Variants in DGKG observed in about 807,000 individuals in gnomAD.
DGKG encodes the protein diacylglycerol kinase gamma.
In DGKG, 78 loss-of-function variants were observed where a neutral mutation model predicts 105.3. The observed-to-expected ratio is 0.74, with a 90% CI of 0.62 to 0.89. The LOEUF (loss-of-function observed/expected upper bound fraction) is 0.89, where lower values mean the gene tolerates loss of function less well. DGKG is among the 40% of genes least tolerant of loss of function. The probability of loss-of-function intolerance (pLI) is 0.00; values close to 1 mark genes in which losing one functional copy is unlikely to be tolerated. For synonymous variants in DGKG, 346 were observed against 367.1 expected (o/e 0.94, Z 0.66); for missense variants, 958 against 1,020.1 (o/e 0.94, Z 0.83).
At chr3:186,354,000 C>T (rs921658065) in intron 1 of DGKG, among the ~76,000 whole-genome samples, 4 of 151,954 alleles carry the variant, frequency 2.6e-5, no homozygotes, top group African/African-American at 7.3e-5. Flanking sequence ...CTGGACATGC[C>T]GGCATGAGAA....
chr3:186,156,508 C>T (rs1578599020), intron 24 of DGKG, among the ~76,000 whole-genome samples: 1 of 151,946 alleles, frequency 6.6e-6, no homozygotes, highest in African/African-American at 2.4e-5. Context: ...ATTATTGTGG[C>T]TTTATAATTA....
intron 1 of DGKG, among the ~76,000 whole-genome samples, chr3:186,358,047 G>A (rs1382199612): frequency 6.6e-6 from 1 of 152,242 alleles, no homozygotes; most frequent in African/African-American, 2.4e-5. Flanking sequence ...TTCTGGGACT[G>A]ACTAGCCTGA....
intron 15 of DGKG, among the ~76,000 whole-genome samples, chr3:186,261,009 G>C (rs2108573114): frequency 6.6e-6 from 1 of 152,296 alleles, no homozygotes; most frequent in Admixed American, 6.5e-5. Flanking sequence ...AGGGCGCTGA[G>C]AGGCCGTGAC....
chr3:186,200,539 G>A (rs943490876), intron 21 of DGKG, among the ~76,000 whole-genome samples: 10 of 152,214 alleles, frequency 6.6e-5, no homozygotes, highest in Non-Finnish European at 1.3e-4. Flanking sequence ...GTGCTAGGAT[G>A]AGTCTTTTGT....
At chr3:186,342,089 T>C (rs550952146) in intron 1 of DGKG, among the ~76,000 whole-genome samples, 1 of 152,170 alleles carries the variant, frequency 6.6e-6, no homozygotes, top group Admixed American at 6.5e-5. Context: ...GTGGGTGCAG[T>C]GCACCAGCAT....
intron 22 of DGKG, among the ~76,000 whole-genome samples, chr3:186,184,242 G>A (rs1252780150): frequency 2.6e-5 from 4 of 152,084 alleles, no homozygotes; most frequent in South Asian, 2.1e-4. Context: ...GACTTAGGGT[G>A]GTTGGGTAAT....
chr3:186,185,912 C>T (rs1372191601), intron 22 of DGKG, among the ~76,000 whole-genome samples: 1 of 151,702 alleles, frequency 6.6e-6, no homozygotes, highest in Non-Finnish European at 1.5e-5. Context: ...GCCTGGTCAA[C>T]ATGGAGAAAC....
chr3:186,170,951 A>G (rs1402979137), intron 22 of DGKG, among the ~76,000 whole-genome samples: 1 of 152,254 alleles, frequency 6.6e-6, no homozygotes, highest in African/African-American at 2.4e-5. Context: ...TGACATGTCC[A>G]GTCTTTCTTT....
intron 20 of DGKG, among the ~76,000 whole-genome samples, chr3:186,237,569 A>G (rs1435038218): frequency 6.6e-6 from 1 of 152,204 alleles, no homozygotes; most frequent in African/African-American, 2.4e-5. Context: ...CCTTAGCCTC[A>G]GTTCCTTCAT....
At position 186,265,298 on chromosome 3, in the gene DGKG, T is replaced by A. The variant is rs1167652736; in HGVS notation, c.1218A>T (p.Pro406=). ...TSICPITRDR[P]GEKSDGCVSA... ...ACACGCAGCCATCAGACTTCTCACC[T>A]GGCCTGTCCTGTGACAAGAAAGGAA... Residue 406 remains proline, a synonymous_variant, in exon 14 of 25, where the codon CCA becomes CCT. Transcript: ENST00000265022. 6.2e-7 allele frequency: 1 copy of A among 1,614,058 alleles called. No homozygotes were observed. The highest frequency in any genetic ancestry group is 1.3e-5 in the African/African-American group (1 of 74,946).
intron 14 of DGKG, among the ~76,000 whole-genome samples, chr3:186,263,327 G>A (rs1721874393): frequency 6.6e-6 from 1 of 152,056 alleles, no homozygotes; most frequent in Admixed American, 6.6e-5. Flanking sequence ...AGCACTTTGG[G>A]AGGCTGAGGC....
chr3:186,272,279 G>A lies in DGKG; in HGVS notation c.975C>T (p.Tyr325=). Residue 325 remains tyrosine, a synonymous_variant, in exon 11 of 25, where the codon TAC becomes TAT. Transcript: ENST00000265022. ...SRNIPGCVKT[Y]SKAKRSGEVM... The stretch of plus-strand genomic sequence containing the variant: ...CCTCACCACTCCTTTTGGCTTTTGA[G>A]TACGTTTTGACACAACCAGGAATGT... The A allele has an allele frequency of 3.7e-6, 6 of 1,613,848 alleles. No individual in the cohort carries two copies. Among genetic ancestry groups the A allele is most frequent in the Non-Finnish European group, 5.1e-6 (6 of 1,179,754 alleles).
At chr3:186,251,422 C>A (rs567207148) in intron 19 of DGKG, among the ~76,000 whole-genome samples, 1 of 152,198 alleles carries the variant, frequency 6.6e-6, no homozygotes, top group Admixed American at 6.5e-5. Flanking sequence ...TTCCTACCAA[C>A]CTTGTCCCCC....
In DGKG at chr3:186,188,390, G is replaced by T. The variant is rs1436901057; in HGVS notation, c.1918-11C>A. 3 of 1,613,160 alleles carry T rather than the reference G, an allele frequency of 1.9e-6. No homozygotes were observed. In the Admixed American group the frequency reaches 5.0e-5, roughly 27 times the overall value. On this transcript the variant is annotated splice_polypyrimidine_tract_variant and intron_variant, in intron 21 of 24. Transcript: ENST00000265022. Reference sequence around the variant, plus strand: ...CCCAACCCCATCACACTGGAGGACGGAGAGAAAAGGCCATCTGTTAGTGTC... The same window carrying T: ...CCCAACCCCATCACACTGGAGGACGTAGAGAAAAGGCCATCTGTTAGTGTC...
rs1715616034 is a variant in DGKG, at chr3:186,148,815, T to C, written c.*1275A>G. 4 of 985,434 alleles carry C rather than the reference T, an allele frequency of 4.1e-6. No homozygotes were observed. Among genetic ancestry groups the C allele is most frequent in the Non-Finnish European group, 4.8e-6 (4 of 829,844 alleles). 61.0% of individuals were successfully genotyped at this position (985,434 alleles called of 1,614,324 possible). A position where few individuals can be genotyped will look rare whatever the true frequency, so the allele number is the denominator to read the frequency against. ...GAGCTACTTTCATTCCCCTTAACCC[T>C]TGTGATCACCACAGGGAGATGCGTC... is the stretch of plus-strand genomic sequence containing the variant. On this transcript the variant is annotated 3_prime_UTR_variant, in exon 25 of 25. Transcript: ENST00000265022.
At chr3:186,179,414 G>A (rs1435598333) in intron 22 of DGKG, among the ~76,000 whole-genome samples, 1 of 152,200 alleles carries the variant, frequency 6.6e-6, no homozygotes, top group Non-Finnish European at 1.5e-5. Context: ...GGATTGGTCT[G>A]TGTGAGCCAA....
intron 1 of DGKG, among the ~76,000 whole-genome samples, chr3:186,331,074 C>T (rs548610423): frequency 5.3e-5 from 8 of 152,156 alleles, no homozygotes; most frequent in Non-Finnish European, 7.3e-5. Context: ...AAAATACCTT[C>T]GATGCAAATA....
chr3:186,319,625 G>A (rs1724987259), intron 2 of DGKG, among the ~76,000 whole-genome samples: 1 of 152,166 alleles, frequency 6.6e-6, no homozygotes, highest in Non-Finnish European at 1.5e-5. Flanking sequence ...TGCCATGCAG[G>A]GTAAGTGACG....
At chr3:186,337,536 A>G (rs996211037) in intron 1 of DGKG, among the ~76,000 whole-genome samples, 2 of 152,188 alleles carry the variant, frequency 1.3e-5, no homozygotes, top group African/African-American at 4.8e-5. Context: ...AAATACTAGA[A>G]GCATTACCAT....
Sources: gnomAD v4.1 joint callset for allele counts (sites outside exome capture counted in the v4.1 genomes callset) on GRCh38, gnomAD v4.1.1 for gene constraint, MANE v1.5 for transcripts, NCBI Gene and HGNC (gene_info 2026-07-23, HGNC 2026-07-21) for gene names.